The following RSPO4 variants were observed in gnomAD, a reference collection of about 807,000 sequenced individuals.
The protein encoded by RSPO4 is R-spondin-4.
Under a neutral mutation model 24.8 loss-of-function variants are expected in RSPO4, and 23 were observed. That is an observed-to-expected ratio of 0.93 (90% confidence interval 0.67 to 1.31). The LOEUF is 1.31. Among genes scored for constraint, RSPO4 ranks in the 40% most tolerant of loss-of-function variants. The pLI is 0.00. For missense variants in RSPO4, 333 were observed against 316.5 expected (o/e 1.05, Z -0.39); for synonymous variants, 141 against 127.4 (o/e 1.11, Z -0.72).
chr20:1,002,100 C>T lies in RSPO4; in HGVS notation c.65G>A (p.Arg22Gln). The change falls in exon 1 of 5, where the codon CGA becomes CAA. Residue 22 changes from arginine (R) to glutamine (Q), a missense_variant. Physicochemically the swap from Arg to Gln is conservative, Grantham distance 43. Transcript: ENST00000217260. This position sits in a 1 kb window ranked among gnomAD's most constrained non-coding sequence, Gnocchi z 4.6. ...ACCCCTTGTACCTTGCTTCTTCCTT[C>T]GGTTCAGGGCGAGCATGTCCACGGC... ...AHAVDMLALN[R>Q]RKKQVGTGLG... 1 of 1,561,728 alleles carries T rather than the reference C, an allele frequency of 6.4e-7. No homozygotes were observed. Among genetic ancestry groups the T allele is most frequent in the Non-Finnish European group, 8.7e-7 (1 of 1,152,652 alleles).
chr20:985,872 G>A (rs1984904107), intron 1 of RSPO4, among the ~76,000 whole-genome samples: 1 of 152,212 alleles, frequency 6.6e-6, no homozygotes, highest in South Asian at 2.1e-4. Context: ...AGGGAAACAG[G>A]CATTCCATCC....
At chr20:1,001,414 A>G (rs1426503168) in intron 1 of RSPO4, among the ~76,000 whole-genome samples, 2 of 152,228 alleles carry the variant, frequency 1.3e-5, no homozygotes, top group African/African-American at 4.8e-5. Flanking sequence ...GTGAGAGCGC[A>G]TGCGGCCCCT....
At chr20:982,814 C>CG (rs1775050571) in intron 1 of RSPO4, among the ~76,000 whole-genome samples, 1 of 152,194 alleles carries the variant, frequency 6.6e-6, no homozygotes, top group South Asian at 2.1e-4. Context: ...TCCCTCTTGT[C>CG]GGGGGTTTAT....
At position 1,002,290 on chromosome 20, in the gene RSPO4, G is replaced by A; in HGVS notation, c.-126C>T. On this transcript the variant is annotated 5_prime_UTR_variant, in exon 1 of 5. Transcript: ENST00000217260. The surrounding 1 kb of genome is among the most constrained non-coding windows in gnomAD (Gnocchi z 4.6). ...GCGCCGGGCGCATCCGCCAGGCGCG[G>A]GTCGGTCCGGCCGCCAGGTCTAGTG... The A allele has an allele frequency of 8.2e-6, 3 of 365,096 alleles. No homozygotes were observed. Among genetic ancestry groups the A allele is most frequent in the Non-Finnish European group, 8.1e-6 (2 of 246,164 alleles). 22.6% of individuals were successfully genotyped at this position (365,096 alleles called of 1,614,324 possible).
At chr20:983,772 G>T (rs1363272192) in intron 1 of RSPO4, among the ~76,000 whole-genome samples, 1 of 152,206 alleles carries the variant, frequency 6.6e-6, no homozygotes. Context: ...TGTGGGAGCT[G>T]CTAGCAGTTG....
chr20:974,467 A>T (rs1984501829), intron 1 of RSPO4, among the ~76,000 whole-genome samples: 1 of 152,206 alleles, frequency 6.6e-6, no homozygotes. Context: ...GGTGGGCACT[A>T]GCTAACAGAG....
intron 3 of RSPO4, among the ~76,000 whole-genome samples, 191 bp from the exon 4 acceptor site, chr20:964,311 T>C (rs1399815508): frequency 6.6e-6 from 1 of 152,122 alleles, no homozygotes; most frequent in Non-Finnish European, 1.5e-5. Context: ...CACAGACTAA[T>C]ATGGGCCTGA....
Position 989,816 on chromosome 20 carries a change from A to G in RSPO4, c.79+12270T>C, listed in dbSNP as rs1951272998. ...GGCTGGAACCAAGATAAGCAGCTAC[A>G]GGCTGTCCTACCCCACCCCCAGCTG... On this transcript the variant is annotated intron_variant, in intron 1 of 4. Coordinates refer to ENST00000217260, the MANE Select transcript of RSPO4 (RefSeq NM_001029871.4). Among the ~76,000 whole-genome samples the G allele has an allele frequency of 4.6e-5, 7 of 152,208 alleles. No homozygotes were observed. In the South Asian group the frequency reaches 1.4e-3, roughly 32 times the overall value.
chr20:987,760 C>A (rs1315154741), intron 1 of RSPO4, among the ~76,000 whole-genome samples: 2 of 152,228 alleles, frequency 1.3e-5, no homozygotes, highest in African/African-American at 4.8e-5. Context: ...TATTGCCCTC[C>A]AGTCTGGGTG....
chr20:968,657 C>G (rs754636298), intron 1 of RSPO4, among the ~76,000 whole-genome samples: 8 of 152,172 alleles, frequency 5.3e-5, no homozygotes, highest in Non-Finnish European at 8.8e-5. Flanking sequence ...TTAATCTTTA[C>G]CAAAGTAATG....
chr20:967,921 T>C, intron 2 of RSPO4, 29 bp downstream of exon 2: 1 of 1,608,354 alleles, frequency 6.2e-7, no homozygotes, highest in Middle Eastern at 1.7e-4. Flanking sequence ...AGCCCAGCAC[T>C]AGCATAGAAC....
intron 3 of RSPO4, among the ~76,000 whole-genome samples, chr20:965,305 T>G (rs1600088693): frequency 6.6e-6 from 1 of 151,168 alleles, no homozygotes; most frequent in African/African-American, 2.4e-5. Context: ...GGACGGGAGG[T>G]GCTCCAAGTG....
chr20:976,619 C>T lies in RSPO4; in HGVS notation c.80-8481G>A, dbSNP rs145576040. On this transcript the variant is annotated intron_variant, in intron 1 of 4. Transcript: ENST00000217260. ...TGAGTGAACTTAGGGTCATCTCTGC[C>T]ATATCATGCCTTCCATCTGCCTTCA... 2.0e-3 allele frequency among the ~76,000 whole-genome samples: 298 copies of T among 151,976 alleles called. 1 individual carries two copies. The highest frequency in any genetic ancestry group is 6.5e-3 in the African/African-American group (270 of 41,436).
chr20:966,678 G>A (rs1203105625), intron 3 of RSPO4, among the ~76,000 whole-genome samples: 1 of 152,102 alleles, frequency 6.6e-6, no homozygotes, highest in Non-Finnish European at 1.5e-5. Flanking sequence ...AACATAGCAA[G>A]AGCCTGTCTT....
At position 968,020 on chromosome 20, in the gene RSPO4, G is replaced by A. The variant is rs751352700; in HGVS notation, c.198C>T (p.Tyr66=). ...LFIRREGIRQ[Y]GKCLHDCPPG... is the part of the protein sequence containing the mutation. ...GGGGACAGTCGTGCAGGCACTTGCC[G>A]TACTGGCGGATGCCTTCCCGGCGGA... Residue 66 remains tyrosine (Y), a synonymous_variant, in exon 2 of 5, where the codon TAC becomes TAT. Coordinates refer to ENST00000217260, the MANE Select transcript of RSPO4 (RefSeq NM_001029871.4). The A allele has an allele frequency of 6.8e-6, 11 of 1,614,110 alleles. No homozygotes were observed. The Admixed American group carries it at 1.2e-4, about 17-fold the overall frequency.
intron 1 of RSPO4, among the ~76,000 whole-genome samples, chr20:989,720 G>C (rs541854084): frequency 5.9e-5 from 9 of 152,346 alleles, no homozygotes; most frequent in East Asian, 3.9e-4. Context: ...CTCACTGTTA[G>C]TGGGCCTCAG....
intron 1 of RSPO4, among the ~76,000 whole-genome samples, chr20:976,797 T>C (rs553785857): frequency 2.0e-5 from 3 of 152,178 alleles, no homozygotes; most frequent in South Asian, 4.1e-4. Context: ...CCTAGCCCCA[T>C]ACATTTTTTT....
intron 1 of RSPO4, among the ~76,000 whole-genome samples, chr20:973,564 C>T (rs1984475995): frequency 6.6e-6 from 1 of 152,156 alleles, no homozygotes. Flanking sequence ...AACTCCGTCT[C>T]CCAGGTTCAA....
At chr20:977,199 T>C (rs1043558903) in intron 1 of RSPO4, among the ~76,000 whole-genome samples, 6 of 152,090 alleles carry the variant, frequency 3.9e-5, no homozygotes, top group Non-Finnish European at 7.4e-5. Flanking sequence ...TACCCTAGAG[T>C]TGCTGATTCA....
Sources: gnomAD v4.1 joint callset for allele counts (sites outside exome capture counted in the v4.1 genomes callset) on GRCh38, gnomAD v4.1.1 for gene constraint, Gnocchi (gnomAD v3.1) non-coding constraint, MANE v1.5 for transcripts, NCBI Gene and HGNC (gene_info 2026-07-23, HGNC 2026-07-21) for gene names.